The following CATSPERT variants were observed in gnomAD, a reference collection of about 807,000 sequenced individuals.
CATSPERT encodes catsper channel auxiliary subunit tau.
chr2:201,491,342 T>G, the CATSPERT span: 1 of 1,537,740 alleles, frequency 6.5e-7, no homozygotes, highest in Admixed American at 2.0e-5. Flanking sequence ...AGATCTTCTA[T>G]CTTAAATAAT....
At chr2:201,548,383 C>G in the CATSPERT span, among the ~76,000 whole-genome samples, 1 of 152,082 alleles carries the variant, frequency 6.6e-6, no homozygotes, top group Non-Finnish European at 1.5e-5. Context: ...TTAATCCCAT[C>G]ATTGTAACAG....
At chr2:201,531,910 C>G in the CATSPERT span, among the ~76,000 whole-genome samples, 1 of 152,264 alleles carries the variant, frequency 6.6e-6, no homozygotes, top group African/African-American at 2.4e-5. Flanking sequence ...GAATACTGAT[C>G]AGAGGAGTGA....
At chr2:201,489,556 A>G in the CATSPERT span, among the ~76,000 whole-genome samples, 54 of 152,344 alleles carry the variant, frequency 3.5e-4, no homozygotes, top group African/African-American at 1.3e-3. Context: ...ATATATAGCT[A>G]TATAATATTT....
chr2:201,546,281 T>C, the CATSPERT span, among the ~76,000 whole-genome samples: 1 of 152,302 alleles, frequency 6.6e-6, no homozygotes, highest in South Asian at 2.1e-4. Context: ...ACTATGATCA[T>C]AGTCAATGTT....
chr2:201,528,143 T>C, the CATSPERT span, among the ~76,000 whole-genome samples: 1 of 149,124 alleles, frequency 6.7e-6, no homozygotes, highest in South Asian at 2.1e-4. Flanking sequence ...ACACCACCAA[T>C]AAACGTATGA....
At chr2:201,534,905 G>C in the CATSPERT span, 1 of 504,640 alleles carries the variant, frequency 2.0e-6, no homozygotes, top group Non-Finnish European at 2.6e-6. Context: ...TGCATGTAAA[G>C]TCAAAAAATA....
chr2:201,579,449 C>CTGTTT, the CATSPERT span, among the ~76,000 whole-genome samples: 2 of 151,480 alleles, frequency 1.3e-5, no homozygotes, highest in Non-Finnish European at 2.9e-5. Flanking sequence ...TTTTGTTTTG[C>CTGTTT]TGTTTTGTTT....
At chr2:201,491,559 G>A in the CATSPERT span, 2 of 1,536,852 alleles carry the variant, frequency 1.3e-6, no homozygotes, top group Non-Finnish European at 1.7e-6. Context: ...GACAATACTG[G>A]TCTTCTAATT....
the CATSPERT span, among the ~76,000 whole-genome samples, chr2:201,546,109 G>C: frequency 2.6e-5 from 4 of 152,160 alleles, no homozygotes; most frequent in Admixed American, 6.5e-5. Flanking sequence ...AGAACCCTAA[G>C]TTCTTAGTCC....
chr2:201,602,949 C>T, the CATSPERT span, among the ~76,000 whole-genome samples: 3 of 151,988 alleles, frequency 2.0e-5, no homozygotes, highest in South Asian at 6.3e-4. Context: ...TTTCAGCATC[C>T]CTGCTAAGTC....
At chr2:201,563,628 C>T in the CATSPERT span, among the ~76,000 whole-genome samples, 1 of 152,188 alleles carries the variant, frequency 6.6e-6, no homozygotes, top group African/African-American at 2.4e-5. Context: ...TTTTTGATAC[C>T]TTTGTAGTTT....
chr2:201,500,562 T>C, the CATSPERT span, among the ~76,000 whole-genome samples: 2 of 152,022 alleles, frequency 1.3e-5, no homozygotes, highest in Admixed American at 6.6e-5. Context: ...AGAGGCCGAC[T>C]TAGGTGATAA....
At chr2:201,503,308 G>A in the CATSPERT span, among the ~76,000 whole-genome samples, 3 of 152,042 alleles carry the variant, frequency 2.0e-5, no homozygotes, top group African/African-American at 7.2e-5. Flanking sequence ...GCTCAGTCTG[G>A]ATTCAAACCC....
At chr2:201,575,244 T>C in the CATSPERT span, 32 of 1,521,654 alleles carry the variant, frequency 2.1e-5, no homozygotes, top group Non-Finnish European at 2.7e-5. Context: ...ATATATTACA[T>C]GCACATAAAA....
At chr2:201,503,616 T>C in the CATSPERT span, among the ~76,000 whole-genome samples, 3 of 152,198 alleles carry the variant, frequency 2.0e-5, no homozygotes, top group Non-Finnish European at 4.4e-5. Context: ...CAGGCTGGTC[T>C]TGAATTCCTG....
chr2:201,561,987 GGT>G, the CATSPERT span, among the ~76,000 whole-genome samples: 1 of 151,472 alleles, frequency 6.6e-6, no homozygotes, highest in African/African-American at 2.4e-5. Context: ...TGAATAATCT[GGT>G]CTCCACCTAT....
At chr2:201,497,237 C>T in the CATSPERT span, among the ~76,000 whole-genome samples, 1 of 152,188 alleles carries the variant, frequency 6.6e-6, no homozygotes. Context: ...CACATACCAA[C>T]TCTATATTGT....
At chr2:201,488,002 G>A in the CATSPERT span, 1 of 978,028 alleles carries the variant, frequency 1.0e-6, no homozygotes, top group South Asian at 1.8e-5. Flanking sequence ...AAAGAAAAAA[G>A]AAAAACAAAC....
At chr2:201,508,338 A>C in the CATSPERT span, among the ~76,000 whole-genome samples, 1 of 152,218 alleles carries the variant, frequency 6.6e-6, no homozygotes, top group Non-Finnish European at 1.5e-5. Context: ...AAATGCAGTT[A>C]ATTATTTAAA....
Sources: gnomAD v4.1 joint callset for allele counts (sites outside exome capture counted in the v4.1 genomes callset) on GRCh38, gnomAD v4.1.1 for gene constraint, MANE v1.5 for transcripts, NCBI Gene and HGNC (gene_info 2026-07-23, HGNC 2026-07-21) for gene names.